The following TMLHE variants were observed in gnomAD, a reference collection of about 807,000 sequenced individuals.
TMLHE encodes the protein trimethyllysine dioxygenase, mitochondrial.
Under a neutral mutation model 25.7 loss-of-function variants are expected in TMLHE, and 18 were observed. That is an observed-to-expected ratio of 0.70 (90% confidence interval 0.48 to 1.04). TMLHE has a LOEUF of 1.04. Ranked by LOEUF, TMLHE falls within the 50% of genes least tolerant of loss-of-function variation. TMLHE has a pLI of 0.00. For missense variants in TMLHE, 236 were observed against 259.0 expected (o/e 0.91, Z 0.61); for synonymous variants, 105 against 97.0 (o/e 1.08, Z -0.49).
intron 2 of TMLHE, among the ~76,000 whole-genome samples, chrX:155,536,445 T>C (rs2067279523): frequency 9.0e-6 from 1 of 111,622 alleles, no homozygotes; most frequent in South Asian, 3.8e-4. Flanking sequence ...TTGCTAGTTA[T>C]ATAAGCAGTG....
At chrX:155,580,682 C>T (rs999654512) in intron 1 of TMLHE, among the ~76,000 whole-genome samples, 1 of 111,702 alleles carries the variant, frequency 9.0e-6, no homozygotes, top group Admixed American at 9.5e-5. Context: ...GTGAAAGACA[C>T]ATCTCATGTG....
At chrX:155,547,000 C>T (rs2067349662) in intron 1 of TMLHE, among the ~76,000 whole-genome samples, 1 of 110,827 alleles carries the variant, frequency 9.0e-6, no homozygotes, top group African/African-American at 3.3e-5. Context: ...TCTGGATCTT[C>T]AAAGAAAAAA....
intron 1 of TMLHE, among the ~76,000 whole-genome samples, chrX:155,603,358 A>AAAAGAAAG (rs782320543): frequency 1.4e-5 from 1 of 72,022 alleles, no homozygotes; most frequent in African/African-American, 5.3e-5. Context: ...AGAAGAAAAG[A>AAAAGAAAG]AAAGAAAGAA....
intron 1 of TMLHE, among the ~76,000 whole-genome samples, chrX:155,596,756 A>G (rs2067722884): frequency 9.0e-6 from 1 of 111,363 alleles, no homozygotes; most frequent in Admixed American, 9.5e-5. Flanking sequence ...CAGTTCCCCA[A>G]TCTTTTGGCG....
chrX:155,559,665 C>G (rs1569562156), intron 1 of TMLHE, among the ~76,000 whole-genome samples: 1 of 112,197 alleles, frequency 8.9e-6, no homozygotes, highest in East Asian at 2.8e-4. Context: ...AAGGAAGAAG[C>G]ATTACCTCCT....
chrX:155,508,793 T>C (rs1450879162), intron 5 of TMLHE, among the ~76,000 whole-genome samples: 1 of 110,300 alleles, frequency 9.1e-6, no homozygotes, highest in Non-Finnish European at 1.9e-5. Context: ...GAGGGGTGGG[T>C]TGGGAAAACT....
At chrX:155,539,952 G>T (rs2067301293) in intron 2 of TMLHE, among the ~76,000 whole-genome samples, 1 of 109,611 alleles carries the variant, frequency 9.1e-6, no homozygotes, top group Admixed American at 9.9e-5. Flanking sequence ...GCAGAAAAAA[G>T]AATTAGTAAA....
chrX:155,548,465 GTGGCTCA>G (rs1160015320), intron 1 of TMLHE, among the ~76,000 whole-genome samples: 4 of 108,892 alleles, frequency 3.7e-5, no homozygotes, highest in Non-Finnish European at 7.6e-5. Flanking sequence ...GCTGGGCACG[GTGGCTCA>G]TGCCTGAAAT....
rs1446049261 is a variant in TMLHE at position 155,560,576 on chromosome X, GAGGAGTTAGTCAT to G, written c.-1-15312_-1-15300del. 5.4e-5 allele frequency among the ~76,000 whole-genome samples: 3 copies of G among 55,275 alleles called. 1 individual carries two copies. The highest frequency in any genetic ancestry group is 1.2e-4 in the African/African-American group (3 of 25,348). The allele number at this position is 55,275 out of a possible 115,157, so 48.0% of individuals were successfully genotyped here. A position where few individuals can be genotyped will look rare whatever the true frequency, so the allele number is the denominator to read the frequency against. The stretch of plus-strand genomic sequence containing the variant: ...TAAGAAAGATGACATTTGATCAAAG[GAGGAGTTAGTCAT>G]AAGGATATCTGGGGTAAAGTAGACT... On this transcript the variant is annotated intron_variant, in intron 1 of 7. Transcript: ENST00000334398.
rs200849221 is a variant in TMLHE at position 155,581,288 on chromosome X, A to T, written c.-2+31504T>A. Among the ~76,000 whole-genome samples the T allele has an allele frequency of 2.5e-4, 28 of 111,005 alleles. No individual in the cohort carries two copies. In the East Asian group the frequency reaches 7.3e-3, roughly 29 times the overall value. ...CAAGACAGGGATGCCCTCTCTCACC[A>T]CTCCTATTCAACATAGTGTTGGAAG... On this transcript the variant is annotated intron_variant, in intron 1 of 7. Transcript: ENST00000334398.
intron 1 of TMLHE, among the ~76,000 whole-genome samples, chrX:155,568,150 G>A (rs2067518747): frequency 1.6e-5 from 1 of 61,302 alleles, no homozygotes; most frequent in Admixed American, 1.9e-4. Context: ...GCGCTTTTCC[G>A]ACAGGCTGAA....
intron 2 of TMLHE, among the ~76,000 whole-genome samples, chrX:155,531,193 G>A (rs2067247497): frequency 8.9e-6 from 1 of 112,034 alleles, no homozygotes; most frequent in African/African-American, 3.2e-5. Context: ...ATGACAGAAA[G>A]TAAAAACCAG....
At chrX:155,523,421 A>C (rs952565110) in intron 3 of TMLHE, among the ~76,000 whole-genome samples, 26 of 111,090 alleles carry the variant, frequency 2.3e-4, no homozygotes, top group African/African-American at 8.5e-4. Context: ...CCAATTACTG[A>C]AAAGATTATC....
At chrX:155,539,498 A>G (rs1326231176) in intron 2 of TMLHE, among the ~76,000 whole-genome samples, 2 of 111,728 alleles carry the variant, frequency 1.8e-5, no homozygotes, top group African/African-American at 6.5e-5. Context: ...CCTTCCCAGG[A>G]AAGGATTAGG....
intron 3 of TMLHE, among the ~76,000 whole-genome samples, chrX:155,515,406 T>G (rs5940463): frequency 9.2e-6 from 1 of 108,916 alleles, no homozygotes; most frequent in Non-Finnish European, 1.9e-5. Flanking sequence ...CATTTATTTT[T>G]AAAAAATTTC....
chrX:155,557,714 A>G (rs2067467608), intron 1 of TMLHE, among the ~76,000 whole-genome samples: 1 of 111,259 alleles, frequency 9.0e-6, no homozygotes, highest in African/African-American at 3.3e-5. Context: ...CCCTACACCT[A>G]AACTGTTTCC....
chrX:155,514,029 G>C lies in TMLHE; in HGVS notation c.595C>G (p.Gln199Glu), dbSNP rs1557334289. The C allele has an allele frequency of 8.3e-7, 1 of 1,210,767 alleles. No individual in the cohort carries two copies. Among genetic ancestry groups the C allele is most frequent in the Admixed American group, 2.2e-5 (1 of 45,949 alleles). ...TCTGCCAACTTCTCTGTGTGCTCTT[G>C]AGTGGGAGGGACATTTTCTACGAAT... ...IAFVENVPPT[Q>E]EHTEKLAERI... is the part of the protein sequence containing the mutation. Residue 199 changes from glutamine to glutamate, a missense_variant, in exon 4 of 8, where the codon CAA (glutamine) becomes GAA (glutamate). Gln to Glu is a conservative substitution (Grantham distance 29, BLOSUM62 2). Around this residue, in one of 2 missense-constraint regions of TMLHE, gnomAD observed 217 missense variants for 214.6 expected, o/e 1.01. Transcript: ENST00000334398.
intron 2 of TMLHE, among the ~76,000 whole-genome samples, chrX:155,535,735 CT>C (rs1479937335): frequency 1.8e-5 from 2 of 111,878 alleles, no homozygotes; most frequent in Admixed American, 1.9e-4. Flanking sequence ...TAACTAACCC[CT>C]GTCTCCATTT....
chrX:155,587,562 A>G (rs1193261783), intron 1 of TMLHE, among the ~76,000 whole-genome samples: 1 of 111,745 alleles, frequency 8.9e-6, no homozygotes, highest in African/African-American at 3.2e-5. Context: ...ATTGGAAACA[A>G]GGAAGTCAAG....
Sources: allele counts gnomAD v4.1 joint callset (sites outside exome capture counted in the v4.1 genomes callset), GRCh38; gene constraint gnomAD v4.1.1; regional missense constraint gnomAD v4.1.1; transcripts MANE v1.5; gene names NCBI Gene and HGNC (gene_info 2026-07-23, HGNC 2026-07-21).